SPAG16: variants seen among roughly 807,000 people sequenced by gnomAD.
SPAG16 encodes the protein sperm associated antigen 16, also known as sperm-associated antigen 16 protein.
Under a neutral mutation model 80.4 loss-of-function variants are expected in SPAG16, and 86 were observed. That is an observed-to-expected ratio of 1.07 (90% CI 0.90 to 1.28). The LOEUF (loss-of-function observed/expected upper bound fraction) is 1.28, where lower values mean the gene tolerates loss of function less well. Among genes scored for constraint, SPAG16 ranks in the 50% most tolerant of loss-of-function variants. The probability of loss-of-function intolerance (pLI) is 0.00; values close to 1 mark genes in which losing one functional copy is unlikely to be tolerated. For synonymous variants in SPAG16, 294 were observed against 265.9 expected (o/e 1.11, Z -1.03); for missense variants, 870 against 765.3 (o/e 1.14, Z -1.61).
chr2:214,357,970 C>A (rs985608163), intron 15 of SPAG16, among the ~76,000 whole-genome samples: 22 of 151,870 alleles, frequency 1.4e-4, no homozygotes, highest in Non-Finnish European at 1.5e-4. Flanking sequence ...TTATGATTAA[C>A]AATTTTCCTG....
intron 5 of SPAG16, among the ~76,000 whole-genome samples, chr2:213,322,762 G>T (rs1199088634): frequency 6.6e-6 from 1 of 152,152 alleles, no homozygotes; most frequent in Non-Finnish European, 1.5e-5. Flanking sequence ...TTTTATGTAG[G>T]ATTGGTAAGG....
intron 15 of SPAG16, among the ~76,000 whole-genome samples, chr2:214,210,570 A>G (rs919215285): frequency 6.6e-6 from 1 of 152,108 alleles, no homozygotes; most frequent in Non-Finnish European, 1.5e-5. Flanking sequence ...CCAAAGATCA[A>G]TTGTGTTTGG....
intron 10 of SPAG16, among the ~76,000 whole-genome samples, chr2:213,728,211 C>T (rs975460218): frequency 8.5e-5 from 13 of 152,100 alleles, no homozygotes; most frequent in African/African-American, 2.9e-4. Context: ...TATTTATATA[C>T]CTAAATGAAT....
intron 12 of SPAG16, among the ~76,000 whole-genome samples, chr2:214,004,772 G>A (rs1425078669): frequency 6.6e-6 from 1 of 151,972 alleles, no homozygotes; most frequent in Admixed American, 6.6e-5. Flanking sequence ...TAGGAGGGTG[G>A]GAGAATTTCA....
At chr2:214,165,993 T>C (rs1196683667) in intron 15 of SPAG16, among the ~76,000 whole-genome samples, 1 of 152,122 alleles carries the variant, frequency 6.6e-6, no homozygotes, top group Non-Finnish European at 1.5e-5. Flanking sequence ...AGATAATCAC[T>C]GAAGATTATC....
At chr2:213,733,192 T>C (rs993947382) in intron 10 of SPAG16, among the ~76,000 whole-genome samples, 3 of 150,112 alleles carry the variant, frequency 2.0e-5, no homozygotes, top group Non-Finnish European at 4.4e-5. Context: ...AAAGGGTTCA[T>C]GTCCTTCACC....
At chr2:213,443,210 A>G (rs2071090405) in intron 9 of SPAG16, among the ~76,000 whole-genome samples, 1 of 152,160 alleles carries the variant, frequency 6.6e-6, no homozygotes, top group Non-Finnish European at 1.5e-5. Flanking sequence ...AATTTTTAGT[A>G]TGCAATATTA....
At chr2:213,623,356 T>C (rs950418789) in intron 10 of SPAG16, among the ~76,000 whole-genome samples, 2 of 152,204 alleles carry the variant, frequency 1.3e-5, no homozygotes, top group African/African-American at 4.8e-5. Context: ...CTATGAATTC[T>C]ATGCTTTCCT....
chr2:213,870,161 G>GT (rs1310519241), intron 11 of SPAG16, among the ~76,000 whole-genome samples: 1 of 152,140 alleles, frequency 6.6e-6, no homozygotes, highest in Admixed American at 6.5e-5. Context: ...ATTTTCAGCT[G>GT]TTGCACATTG....
At chr2:213,852,620 G>T (rs1438640067) in intron 10 of SPAG16, among the ~76,000 whole-genome samples, 1 of 152,130 alleles carries the variant, frequency 6.6e-6, no homozygotes, top group Non-Finnish European at 1.5e-5. Context: ...CCATCCTAAA[G>T]GTACTTCTTG....
At chr2:213,640,303 G>C (rs1473417908) in intron 10 of SPAG16, among the ~76,000 whole-genome samples, 1 of 152,110 alleles carries the variant, frequency 6.6e-6, no homozygotes, top group East Asian at 1.9e-4. Context: ...TGATCTTCTG[G>C]AGGTGTTATA....
At chr2:213,492,685 GT>G (rs11421804) in intron 10 of SPAG16, among the ~76,000 whole-genome samples, 2,674 of 136,284 alleles carry the variant, frequency 0.02, 36 homozygotes, top group Middle Eastern at 0.037. Flanking sequence ...AAAGAAAGTT[GT>G]TTTTTTTTTT....
chr2:213,529,683 C>T (rs1326689279), intron 10 of SPAG16, among the ~76,000 whole-genome samples: 1 of 152,150 alleles, frequency 6.6e-6, no homozygotes, highest in Non-Finnish European at 1.5e-5. Context: ...CTCTAGGCAA[C>T]TGTAACACAA....
At chr2:214,273,092 T>C (rs1379312086) in intron 15 of SPAG16, among the ~76,000 whole-genome samples, 5 of 152,236 alleles carry the variant, frequency 3.3e-5, no homozygotes, top group Non-Finnish European at 7.3e-5. Context: ...AATGTCTTCT[T>C]TTGAGAAGTG....
chr2:213,389,200 A>C (rs1410062335), intron 9 of SPAG16, among the ~76,000 whole-genome samples: 1 of 152,172 alleles, frequency 6.6e-6, no homozygotes, highest in African/African-American at 2.4e-5. Flanking sequence ...TGCTGGGAAT[A>C]CTGGGTATCT....
intron 10 of SPAG16, among the ~76,000 whole-genome samples, chr2:213,842,367 C>T (rs1056251937): frequency 6.6e-6 from 1 of 151,980 alleles, no homozygotes; most frequent in Non-Finnish European, 1.5e-5. Context: ...TTTATTTTCA[C>T]GGTTTTAACA....
intron 10 of SPAG16, among the ~76,000 whole-genome samples, chr2:213,844,543 C>T (rs1022645871): frequency 6.6e-6 from 1 of 152,046 alleles, no homozygotes; most frequent in Non-Finnish European, 1.5e-5. Flanking sequence ...CACCATTTTT[C>T]AGAAGGCAAA....
chr2:214,071,158 C>G (rs183252544), intron 13 of SPAG16, among the ~76,000 whole-genome samples: 36 of 152,200 alleles, frequency 2.4e-4, no homozygotes, highest in Non-Finnish European at 3.8e-4. Flanking sequence ...ATAGATAACT[C>G]ACAATTCCAC....
chr2:213,759,230 A>G (rs2068512825), intron 10 of SPAG16, among the ~76,000 whole-genome samples: 1 of 152,178 alleles, frequency 6.6e-6, no homozygotes, highest in African/African-American at 2.4e-5. Context: ...AGAAATAAAG[A>G]TCTTAATAAA....
Sources: gnomAD v4.1 joint callset for allele counts (sites outside exome capture counted in the v4.1 genomes callset) on GRCh38, gnomAD v4.1.1 for gene constraint, MANE v1.5 for transcripts, NCBI Gene and HGNC (gene_info 2026-07-23, HGNC 2026-07-21) for gene names.